The following DLG2 variants were observed in gnomAD, a reference collection of about 807,000 sequenced individuals.
DLG2 encodes the protein discs large MAGUK scaffold protein 2, also known as disks large homolog 2.
Under a neutral mutation model 132.5 loss-of-function variants are expected in DLG2, and 45 were observed. That is an observed-to-expected ratio of 0.34 (90% CI 0.27 to 0.44). The LOEUF (loss-of-function observed/expected upper bound fraction) is 0.44. Ranked by LOEUF, DLG2 falls within the 20% of genes least tolerant of loss-of-function variation. DLG2 has a pLI of 1.00. For synonymous variants in DLG2, 424 were observed against 419.6 expected (o/e 1.01, Z -0.13); for missense variants, 1,045 against 1,196.9 (o/e 0.87, Z 1.87).
chr11:83,907,535 A>G (rs1422698737), intron 15 of DLG2, among the ~76,000 whole-genome samples: 3 of 152,144 alleles, frequency 2.0e-5, no homozygotes, highest in Non-Finnish European at 4.4e-5. Flanking sequence ...TAATTCTGAA[A>G]AAGAGGACAA....
chr11:84,426,990 T>C (rs1179256212), intron 7 of DLG2, among the ~76,000 whole-genome samples: 2 of 152,134 alleles, frequency 1.3e-5, no homozygotes, highest in South Asian at 4.1e-4. Context: ...ATACTAACAA[T>C]TCCAACTAGT....
chr11:84,302,278 A>G (rs1330813523), intron 7 of DLG2, among the ~76,000 whole-genome samples: 3 of 152,182 alleles, frequency 2.0e-5, no homozygotes, highest in Non-Finnish European at 4.4e-5. Flanking sequence ...GCAAACCACC[A>G]TGGCACGCGT....
At chr11:84,233,526 C>T (rs964789270) in intron 8 of DLG2, among the ~76,000 whole-genome samples, 2 of 152,174 alleles carry the variant, frequency 1.3e-5, no homozygotes, top group Non-Finnish European at 2.9e-5. Context: ...TTTGCTACCA[C>T]ATGTACAGGA....
chr11:85,301,631 G>C (rs888420122), intron 3 of DLG2, among the ~76,000 whole-genome samples: 1 of 152,160 alleles, frequency 6.6e-6, no homozygotes, highest in Non-Finnish European at 1.5e-5. Context: ...AACTAAGGTG[G>C]CTTCTCCAAG....
At chr11:84,493,027 G>A (rs139497297) in intron 7 of DLG2, among the ~76,000 whole-genome samples, 1 of 152,234 alleles carries the variant, frequency 6.6e-6, no homozygotes, top group East Asian at 1.9e-4. Flanking sequence ...TGGGAAAGAA[G>A]AGTGTAGAAT....
intron 6 of DLG2, among the ~76,000 whole-genome samples, chr11:85,002,623 C>T (rs1180464284): frequency 6.6e-6 from 1 of 152,022 alleles, no homozygotes; most frequent in African/African-American, 2.4e-5. Flanking sequence ...TTTTAGTGTC[C>T]ACATTGGTAT....
intron 4 of DLG2, among the ~76,000 whole-genome samples, chr11:85,251,482 A>G (rs373594397): frequency 1.3e-5 from 2 of 152,326 alleles, no homozygotes; most frequent in African/African-American, 4.8e-5. Flanking sequence ...GTCTCTAATA[A>G]TGCATACGTG....
At chr11:84,017,880 A>G (rs995607795) in intron 11 of DLG2, among the ~76,000 whole-genome samples, 2 of 152,024 alleles carry the variant, frequency 1.3e-5, no homozygotes, top group African/African-American at 2.4e-5. Flanking sequence ...ATGCCATTCA[A>G]TTGGCTTCTA....
chr11:85,109,794 T>A (rs1253603939), intron 6 of DLG2, among the ~76,000 whole-genome samples: 1 of 152,074 alleles, frequency 6.6e-6, no homozygotes, highest in African/African-American at 2.4e-5. Flanking sequence ...ACTTTGTAGC[T>A]TGAAAACAAA....
At chr11:84,668,792 G>A (rs1229568073) in intron 6 of DLG2, among the ~76,000 whole-genome samples, 3 of 151,938 alleles carry the variant, frequency 2.0e-5, no homozygotes, top group Non-Finnish European at 4.4e-5. Flanking sequence ...TGAAAAATTT[G>A]AAAATATTTT....
intron 3 of DLG2, among the ~76,000 whole-genome samples, chr11:85,426,188 C>T (rs1305686160): frequency 1.3e-5 from 2 of 152,160 alleles, no homozygotes; most frequent in Non-Finnish European, 1.5e-5. Flanking sequence ...GCCTGCCTAC[C>T]TCTGTAGACT....
At chr11:84,876,420 A>T (rs913607302) in intron 6 of DLG2, among the ~76,000 whole-genome samples, 1 of 152,104 alleles carries the variant, frequency 6.6e-6, no homozygotes, top group African/African-American at 2.4e-5. Flanking sequence ...GGGAGGGTGT[A>T]TGTGTCCAGG....
chr11:84,237,340 C>G (rs558217583), intron 8 of DLG2, among the ~76,000 whole-genome samples: 2 of 152,130 alleles, frequency 1.3e-5, no homozygotes, highest in Non-Finnish European at 1.5e-5. Context: ...AACAAGAAAA[C>G]CACGAAAATT....
chr11:84,659,500 T>C (rs138294506), intron 6 of DLG2, among the ~76,000 whole-genome samples: 64 of 152,282 alleles, frequency 4.2e-4, no homozygotes, highest in Non-Finnish European at 8.1e-4. Flanking sequence ...TACTATCTCT[T>C]TGGGGCATGA....
intron 18 of DLG2, among the ~76,000 whole-genome samples, chr11:83,672,920 G>A (rs1225799402): frequency 6.6e-6 from 1 of 152,120 alleles, no homozygotes; most frequent in Non-Finnish European, 1.5e-5. Context: ...AAATTAGCTG[G>A]ATGTAGTGGC....
intron 19 of DLG2, among the ~76,000 whole-genome samples, chr11:83,612,647 G>A (rs1223319090): frequency 1.3e-5 from 2 of 152,072 alleles, no homozygotes; most frequent in Non-Finnish European, 2.9e-5. Flanking sequence ...CCATTATAAC[G>A]GAAGTGCTAT....
At chr11:85,590,621 A>T (rs1316700188) in intron 3 of DLG2, among the ~76,000 whole-genome samples, 1 of 151,444 alleles carries the variant, frequency 6.6e-6, no homozygotes, top group African/African-American at 2.4e-5. Flanking sequence ...ATCTTTTAGA[A>T]TTTTTTTTAT....
At chr11:85,550,914 G>T (rs763399222) in intron 3 of DLG2, among the ~76,000 whole-genome samples, 2 of 152,192 alleles carry the variant, frequency 1.3e-5, no homozygotes, top group African/African-American at 2.4e-5. Context: ...GAAGGAACAA[G>T]TTAGCCACCT....
intron 3 of DLG2, among the ~76,000 whole-genome samples, chr11:85,321,482 G>A (rs2081064278): frequency 6.6e-6 from 1 of 152,038 alleles, no homozygotes; most frequent in African/African-American, 2.4e-5. Flanking sequence ...AATCTAGCGA[G>A]TATGTACAGC....
Sources: allele counts gnomAD v4.1 joint callset (sites outside exome capture counted in the v4.1 genomes callset), GRCh38; gene constraint gnomAD v4.1.1; transcripts MANE v1.5; gene names NCBI Gene and HGNC (gene_info 2026-07-23, HGNC 2026-07-21).